Variants in TSG101 observed in about 807,000 individuals in gnomAD.
TSG101 encodes the protein tumor susceptibility gene 101 protein.
Under a neutral mutation model 48.5 loss-of-function variants are expected in TSG101, and 19 were observed. The observed-to-expected ratio is 0.39, with a 90% confidence interval of 0.27 to 0.58. TSG101 has a LOEUF of 0.58. Among genes scored for constraint, TSG101 ranks in the 20% least tolerant of loss-of-function variants. TSG101 has a pLI of 0.55. For synonymous variants in TSG101, 174 were observed against 169.4 expected, an observed-to-expected ratio of 1.03 and a Z score of -0.21; for missense variants, 365 against 484.4, an observed-to-expected ratio of 0.75 and a Z score of 2.31.
At chr11:18,509,981 T>A (rs1223561654) in intron 4 of TSG101, among the ~76,000 whole-genome samples, 2 of 152,184 alleles carry the variant, frequency 1.3e-5, no homozygotes, top group Non-Finnish European at 2.9e-5. Context: ...GTACAATGTA[T>A]TATAAGTATA....
chr11:18,516,521 T>C (rs1485823794), intron 2 of TSG101, among the ~76,000 whole-genome samples: 2 of 152,020 alleles, frequency 1.3e-5, no homozygotes, highest in Non-Finnish European at 2.9e-5. Context: ...ATTTTTTGTA[T>C]CTTTAGTAGA....
intron 1 of TSG101, among the ~76,000 whole-genome samples, chr11:18,520,584 T>C (rs1850253671): frequency 6.6e-6 from 1 of 152,214 alleles, no homozygotes; most frequent in African/African-American, 2.4e-5. Flanking sequence ...GGCACATCTC[T>C]TTTTTGCTCC....
At chr11:18,503,518 G>A (rs544152033) in intron 6 of TSG101, among the ~76,000 whole-genome samples, 103 of 151,970 alleles carry the variant, frequency 6.8e-4, no homozygotes, top group Admixed American at 3.4e-3. Context: ...GACTATAGGT[G>A]CCCGCCACCA....
At position 18,506,811 on chromosome 11, in the gene TSG101, T is replaced by C. The variant is rs1011805609; in HGVS notation, c.548+46A>G. 10 of 1,440,074 alleles carry C rather than the reference T, an allele frequency of 6.9e-6. No individual in the cohort carries two copies. In the African/African-American group the frequency reaches 7.0e-5, roughly 10 times the overall value. The allele number at this position is 1,440,074 out of a possible 1,614,324, so 89.2% of individuals were successfully genotyped here. ...CAAATTATTTTGATTCTAGATCTAA[T>C]AGAAGAATTTGTAATACAATTATTC... On this transcript the variant is annotated intron_variant, in intron 6 of 9. Coordinates refer to ENST00000251968, the MANE Select transcript of TSG101 (RefSeq NM_006292.4).
At position 18,480,474 on chromosome 11, in the gene TSG101, T is replaced by TG. The variant is rs1170336573; in HGVS notation, c.*71dup. The TG allele has an allele frequency of 1.7e-6, 2 of 1,166,346 alleles. No individual in the cohort carries two copies. The highest frequency in any genetic ancestry group is 5.0e-5 in the East Asian group (2 of 40,238). The allele number at this position is 1,166,346 out of a possible 1,614,324, so 72.2% of individuals were successfully genotyped here. On this transcript the variant is annotated 3_prime_UTR_variant, in exon 10 of 10. Coordinates refer to ENST00000251968, the MANE Select transcript of TSG101 (RefSeq NM_006292.4). Reference sequence around the variant, plus strand: ...AATGATAAACTGCAATAACTTATTCTGGGCACCTACTGATAAAAGGAAGAG... The same window carrying TG: ...AATGATAAACTGCAATAACTTATTCTGGGGCACCTACTGATAAAAGGAAGAG...
chr11:18,524,123 T>C (rs1850326188), intron 1 of TSG101, among the ~76,000 whole-genome samples: 1 of 152,238 alleles, frequency 6.6e-6, no homozygotes, highest in Non-Finnish European at 1.5e-5. Context: ...TAGCAGTGAC[T>C]GTGCCTCTAG....
intron 7 of TSG101, among the ~76,000 whole-genome samples, chr11:18,488,319 T>C: frequency 6.6e-6 from 1 of 152,192 alleles, no homozygotes; most frequent in Non-Finnish European, 1.5e-5. Context: ...GACAAACAGA[T>C]GGACTCTACA....
At chr11:18,480,835 G>A (rs934766377) in intron 9 of TSG101, among the ~76,000 whole-genome samples, 200 bp from the exon 10 acceptor site, 1 of 152,146 alleles carries the variant, frequency 6.6e-6, no homozygotes, top group Admixed American at 6.5e-5. Context: ...TTACATTGCA[G>A]GATCTGGCTC....
At chr11:18,499,898 T>G (rs1590277936) in intron 7 of TSG101, among the ~76,000 whole-genome samples, 1 of 152,144 alleles carries the variant, frequency 6.6e-6, no homozygotes, top group Non-Finnish European at 1.5e-5. Flanking sequence ...GACAATACAT[T>G]GTTAACTATA....
intron 4 of TSG101, chr11:18,511,489 A>G (rs1185810151): frequency 2.6e-5 from 4 of 152,280 alleles, no homozygotes; most frequent in South Asian, 4.1e-4. Flanking sequence ...TCGGGGTGTT[A>G]TAAGCACAGT....
chr11:18,495,653 T>C lies in TSG101; in HGVS notation c.640+6833A>G, dbSNP rs1849763359. ...AATCTTTGTGTTAAGTTTCAATGCA[T>C]ACTACCAGTTAGGTTTTTTTTTTTT... On this transcript the variant is annotated intron_variant, in intron 7 of 9. Coordinates refer to ENST00000251968, the MANE Select transcript of TSG101 (RefSeq NM_006292.4). 5.4e-5 allele frequency among the ~76,000 whole-genome samples: 8 copies of C among 147,676 alleles called. No individual in the cohort carries two copies. The South Asian group carries it at 1.6e-3, about 29-fold the overall frequency.
intron 7 of TSG101, among the ~76,000 whole-genome samples, chr11:18,498,260 C>T (rs1849815097): frequency 6.6e-6 from 1 of 152,026 alleles, no homozygotes; most frequent in South Asian, 2.1e-4. Flanking sequence ...GAACTTTGGA[C>T]TGAACTCTGA....
intron 6 of TSG101, among the ~76,000 whole-genome samples, chr11:18,505,426 T>G (rs1468150030): frequency 1.3e-5 from 2 of 152,064 alleles, no homozygotes; most frequent in Non-Finnish European, 1.5e-5. Flanking sequence ...TGGCTAATTT[T>G]AATTTTTTTT....
intron 1 of TSG101, among the ~76,000 whole-genome samples, chr11:18,522,827 TTCTG>T (rs975478222): frequency 6.6e-5 from 10 of 152,342 alleles, no homozygotes; most frequent in South Asian, 2.1e-4. Context: ...CATGACAAAC[TTCTG>T]TCTATGAGTC....
intron 7 of TSG101, among the ~76,000 whole-genome samples, chr11:18,485,540 G>A (rs531135598): frequency 6.6e-6 from 1 of 152,244 alleles, no homozygotes; most frequent in African/African-American, 2.4e-5. Flanking sequence ...TCCTTAGAAT[G>A]TGCTTTTTTG....
chr11:18,501,604 T>C (rs536117502), intron 7 of TSG101, among the ~76,000 whole-genome samples: 1 of 152,342 alleles, frequency 6.6e-6, no homozygotes, highest in Admixed American at 6.5e-5. Flanking sequence ...GCTTCTTTTT[T>C]GGTTCCATAT....
chr11:18,518,538 G>C (rs537224997), intron 2 of TSG101, among the ~76,000 whole-genome samples: 6 of 152,288 alleles, frequency 3.9e-5, no homozygotes, highest in South Asian at 4.1e-4. Flanking sequence ...TCCAAGCGTT[G>C]TCTTGCCTTA....
intron 6 of TSG101, among the ~76,000 whole-genome samples, chr11:18,505,085 TTA>T (rs993605949): frequency 1.3e-5 from 2 of 152,164 alleles, no homozygotes; most frequent in African/African-American, 4.8e-5. Flanking sequence ...ATCCTAGATA[TTA>T]TATATGTACA....
intron 7 of TSG101, among the ~76,000 whole-genome samples, chr11:18,495,540 C>T (rs1808167817): frequency 1.3e-5 from 2 of 152,030 alleles, no homozygotes; most frequent in Admixed American, 6.5e-5. Context: ...CCCATCCATA[C>T]CCACTATTTT....
Sources: gnomAD v4.1 joint callset for allele counts (sites outside exome capture counted in the v4.1 genomes callset) on GRCh38, gnomAD v4.1.1 for gene constraint, MANE v1.5 for transcripts, NCBI Gene and HGNC (gene_info 2026-07-23, HGNC 2026-07-21) for gene names.